The following CLCN5 variants were observed in gnomAD, a reference collection of about 807,000 sequenced individuals.
The protein encoded by CLCN5 is Cl-/H+ antiporter 5.
CLCN5 carries 17 observed loss-of-function variants against 54.0 expected under a neutral mutation model. That is an observed-to-expected ratio of 0.31 (90% confidence interval 0.22 to 0.47). The LOEUF (loss-of-function observed/expected upper bound fraction) is 0.47, where lower values mean the gene tolerates loss of function less well. Among genes scored for constraint, CLCN5 ranks in the 20% least tolerant of loss-of-function variants. The pLI is 1.00. For missense variants in CLCN5, 448 were observed against 646.7 expected, an observed-to-expected ratio of 0.69 and a Z score of 3.33; for synonymous variants, 222 against 233.0, an observed-to-expected ratio of 0.95 and a Z score of 0.43.
In CLCN5 at chrX:49,943,736, T is replaced by G. The variant is rs782546701; in HGVS notation, c.16+18422T>G. ...GTAGATATGTGGCATTATTTCTGAG[T>G]GCTCTGTTCTGTTCCATTGGTCTAT... On this transcript the variant is annotated intron_variant, in intron 3 of 14. Transcript: ENST00000376091. Among the ~76,000 whole-genome samples the G allele has an allele frequency of 5.4e-3, 598 of 111,075 alleles. 2 individuals carry two copies. The highest frequency in any genetic ancestry group is 7.9e-3 in the Non-Finnish European group (420 of 52,995).
chrX:50,013,156 A>ATCTC (rs1285900393), intron 3 of CLCN5: 6 of 247,671 alleles, frequency 2.4e-5, no homozygotes, highest in Non-Finnish European at 4.7e-5. Context: ...CAATCAATCA[A>ATCTC]TCTCTCTCCT....
chrX:50,010,390 G>A (rs975491250), intron 3 of CLCN5, among the ~76,000 whole-genome samples: 2 of 110,168 alleles, frequency 1.8e-5, no homozygotes, highest in African/African-American at 3.3e-5. Context: ...ACAGGCTTGT[G>A]CCACCATGCC....
At chrX:50,077,862 C>T (rs782551974) in intron 7 of CLCN5, among the ~76,000 whole-genome samples, 3 of 75,786 alleles carry the variant, frequency 4.0e-5, no homozygotes, top group Admixed American at 1.7e-4. Flanking sequence ...TGTATATACA[C>T]ACATATATAT....
At chrX:49,931,942 G>T (rs1168950937) in intron 3 of CLCN5, among the ~76,000 whole-genome samples, 1 of 109,290 alleles carries the variant, frequency 9.1e-6, no homozygotes, top group Non-Finnish European at 1.9e-5. Context: ...ATGCTGTGGG[G>T]ACTCCCTCTG....
At chrX:50,063,772 C>G (rs1932907233) in intron 4 of CLCN5, among the ~76,000 whole-genome samples, 1 of 110,710 alleles carries the variant, frequency 9.0e-6, no homozygotes, top group East Asian at 2.8e-4. Flanking sequence ...AAAATACTGG[C>G]AAACCGAATC....
chrX:49,973,998 C>T (rs1265244529), intron 3 of CLCN5, among the ~76,000 whole-genome samples: 3 of 112,422 alleles, frequency 2.7e-5, no homozygotes, highest in African/African-American at 9.7e-5. Flanking sequence ...GAATCATAAA[C>T]CATGTGTTCT....
chrX:50,080,712 C>T lies in CLCN5; in HGVS notation c.722C>T (p.Pro241Leu). The T allele has an allele frequency of 8.3e-7, 1 of 1,202,239 alleles. No homozygotes were observed. Among genetic ancestry groups the T allele is most frequent in the Non-Finnish European group, 1.1e-6 (1 of 887,481 alleles). Residue 241 changes from proline to leucine, a missense_variant, in exon 8 of 15, where the codon CCT becomes CTT. Transcript: ENST00000376091. ...FAPYACGSGI[P>L]EIKTILSGFI... ...CCTTATGCCTGTGGCTCTGGAATCC[C>T]TGAGGTGAGTCTCTTAAAATGGTTT... is the stretch of plus-strand genomic sequence containing the variant.
At chrX:49,978,511 G>A (rs1178546477) in intron 3 of CLCN5, among the ~76,000 whole-genome samples, 2 of 112,212 alleles carry the variant, frequency 1.8e-5, no homozygotes, top group East Asian at 5.6e-4. Context: ...AAAAATAAAA[G>A]TGTTATATTA....
chrX:49,930,018 C>T (rs1353387753), intron 3 of CLCN5, among the ~76,000 whole-genome samples: 1 of 110,625 alleles, frequency 9.0e-6, no homozygotes, highest in African/African-American at 3.3e-5. Flanking sequence ...AACACAAAGA[C>T]TTAACAGGGG....
chrX:50,050,133 G>A (rs1163906353), intron 4 of CLCN5: 1 of 111,858 alleles, frequency 8.9e-6, no homozygotes, highest in East Asian at 2.8e-4. Flanking sequence ...ACTGTTGGGG[G>A]CAATTATGAA....
In CLCN5 at chrX:50,096,187, TA is replaced by T. The variant is rs1332864934; in HGVS notation, c.*3973del. On this transcript the variant is annotated 3_prime_UTR_variant, in exon 15 of 15. Transcript: ENST00000376091. Reference sequence around the variant, plus strand: ...GGTGGTGCATAGAACATTGAGCTCTTAAAAACCCGGAGAAAAATTAGGAATT... The same window carrying T: ...GGTGGTGCATAGAACATTGAGCTCTTAAAACCCGGAGAAAAATTAGGAATT... 10 of 111,651 alleles carry T rather than the reference TA, an allele frequency of 9.0e-5. No individual in the cohort carries two copies. Among genetic ancestry groups the T allele is most frequent in the African/African-American group, 3.3e-4 (10 of 30,677 alleles). 9.2% of individuals were successfully genotyped at this position (111,651 alleles called of 1,213,427 possible).
chrX:50,056,940 T>C (rs1932759347), intron 4 of CLCN5, among the ~76,000 whole-genome samples: 2 of 112,182 alleles, frequency 1.8e-5, no homozygotes, highest in Non-Finnish European at 3.8e-5. Flanking sequence ...CCACCCCTTT[T>C]ATTGTCTAGC....
rs1205228429 is a variant in CLCN5 at position 50,014,494 on chromosome X, C to T, written c.17-27822C>T. ...GGGACTTCTTATTGACACCCTCTCC[C>T]AACATATACACAATGCAAGACTCTC... On this transcript the variant is annotated intron_variant, in intron 3 of 14. Transcript: ENST00000376091. The T allele has an allele frequency of 1.5e-5, 4 of 265,239 alleles. No homozygotes were observed. In the Admixed American group the frequency reaches 2.0e-4, roughly 14 times the overall value. 21.9% of individuals were successfully genotyped at this position (265,239 alleles called of 1,213,427 possible). A position where few individuals can be genotyped will look rare whatever the true frequency, so the allele number is the denominator to read the frequency against.
At chrX:50,030,802 T>C (rs1931661155) in intron 3 of CLCN5, among the ~76,000 whole-genome samples, 1 of 112,576 alleles carries the variant, frequency 8.9e-6, no homozygotes, top group Non-Finnish European at 1.9e-5. Context: ...TGATAACTTA[T>C]GTTGGTAGTT....
At position 50,090,446 on chromosome X, in the gene CLCN5, T is replaced by A. The variant is rs1934051306; in HGVS notation, c.2075T>A (p.Val692Glu). ...ISETTYSGFPVVVSRESQRLV... is the reference protein window; with the variant it reads ...ISETTYSGFPEVVSRESQRLV... ...GAAACCACTTACAGTGGCTTCCCAG[T>A]GGTGGTATCCCGGGAGTCCCAAAGA... The change falls in exon 13 of 15, where the codon GTG (valine) becomes GAG (glutamate). Residue 692 changes from valine to glutamate, a missense_variant. Val to Glu is a moderately radical substitution (Grantham distance 121). This residue lies in a region of CLCN5 where 297 missense variants were observed against 470.4 expected (regional missense o/e 0.63). Transcript: ENST00000376091. The A allele has an allele frequency of 8.3e-7, 1 of 1,207,542 alleles. No homozygotes were observed. Among genetic ancestry groups the A allele is most frequent in the Admixed American group, 2.2e-5 (1 of 45,631 alleles).
At chrX:49,981,765 G>A (rs1928743794) in intron 3 of CLCN5, among the ~76,000 whole-genome samples, 2 of 107,599 alleles carry the variant, frequency 1.9e-5, no homozygotes. Flanking sequence ...AATTAATTGT[G>A]TATAAGCTAA....
intron 3 of CLCN5, among the ~76,000 whole-genome samples, chrX:49,935,968 A>G: frequency 9.0e-6 from 1 of 111,334 alleles, no homozygotes; most frequent in East Asian, 2.8e-4. Context: ...TCATCTTCTC[A>G]TACCAAATAC....
At chrX:50,029,938 A>G (rs1052392364) in intron 3 of CLCN5, among the ~76,000 whole-genome samples, 1 of 112,189 alleles carries the variant, frequency 8.9e-6, no homozygotes, top group Non-Finnish European at 1.9e-5. Flanking sequence ...ATGCACACAT[A>G]TGTTTATTGC....
chrX:50,047,841 G>A (rs1343997771), intron 4 of CLCN5, among the ~76,000 whole-genome samples: 2 of 111,627 alleles, frequency 1.8e-5, no homozygotes, highest in African/African-American at 6.5e-5. Flanking sequence ...CCGCAGAGGT[G>A]GAGTGTCTTT....
Sources: gnomAD v4.1 joint callset for allele counts (sites outside exome capture counted in the v4.1 genomes callset) on GRCh38, gnomAD v4.1.1 for gene constraint, gnomAD v4.1.1 regional missense constraint, MANE v1.5 for transcripts, NCBI Gene and HGNC (gene_info 2026-07-23, HGNC 2026-07-21) for gene names.